The following CDKAL1 variants were observed in gnomAD, a reference collection of about 807,000 sequenced individuals.
CDKAL1 encodes the protein threonylcarbamoyladenosine tRNA methylthiotransferase.
Under a neutral mutation model 68.2 loss-of-function variants are expected in CDKAL1, and 32 were observed. The ratio of observed to expected loss-of-function variants is 0.47; its 90% CI spans 0.35 to 0.63. The LOEUF (loss-of-function observed/expected upper bound fraction) is 0.63. Among genes scored for constraint, CDKAL1 ranks in the 30% least tolerant of loss-of-function variants. The pLI is 0.00. For synonymous variants in CDKAL1, 234 were observed against 244.3 expected (o/e 0.96, Z 0.39); for missense variants, 606 against 696.7 (o/e 0.87, Z 1.47).
chr6:20,754,887 A>G (rs1320417317), intron 6 of CDKAL1, among the ~76,000 whole-genome samples: 2 of 152,142 alleles, frequency 1.3e-5, no homozygotes, highest in Non-Finnish European at 1.5e-5. Flanking sequence ...TCTAAGGTTC[A>G]TATAGATTTA....
At chr6:20,734,162 A>G (rs543090045) in intron 5 of CDKAL1, among the ~76,000 whole-genome samples, 27 of 150,970 alleles carry the variant, frequency 1.8e-4, no homozygotes, top group East Asian at 7.7e-4. Context: ...AAAAAAAAAA[A>G]AAAGAAAGAA....
At chr6:21,128,072 TC>T (rs1183443129) in intron 13 of CDKAL1, among the ~76,000 whole-genome samples, 2 of 152,224 alleles carry the variant, frequency 1.3e-5, no homozygotes, top group African/African-American at 4.8e-5. Context: ...CTTACAATGG[TC>T]CGACTTACAA....
At chr6:20,870,035 A>G (rs962583739) in intron 9 of CDKAL1, among the ~76,000 whole-genome samples, 1 of 152,204 alleles carries the variant, frequency 6.6e-6, no homozygotes, top group African/African-American at 2.4e-5. Context: ...AAATGTCCCC[A>G]TTAAAATGTT....
chr6:20,592,121 C>G (rs1393738105), intron 4 of CDKAL1, among the ~76,000 whole-genome samples: 1 of 152,096 alleles, frequency 6.6e-6, no homozygotes. Flanking sequence ...GTATTTTATT[C>G]TCCTTGTAGC....
chr6:21,150,664 A>C (rs1001068916), intron 13 of CDKAL1, among the ~76,000 whole-genome samples: 1 of 152,208 alleles, frequency 6.6e-6, no homozygotes, highest in Non-Finnish European at 1.5e-5. Flanking sequence ...TTGATATTTA[A>C]AATGGCTTCA....
intron 10 of CDKAL1, among the ~76,000 whole-genome samples, chr6:20,989,015 A>G (rs1471826411): frequency 2.0e-5 from 3 of 151,580 alleles, no homozygotes; most frequent in Non-Finnish European, 2.9e-5. Context: ...TTCTGCCCAC[A>G]TTTCATTGGC....
chr6:20,768,661 CG>C (rs1481050693), intron 7 of CDKAL1, among the ~76,000 whole-genome samples: 1 of 152,100 alleles, frequency 6.6e-6, no homozygotes, highest in Non-Finnish European at 1.5e-5. Context: ...TGACAGGGAG[CG>C]TGCTTCCCAG....
intron 4 of CDKAL1, among the ~76,000 whole-genome samples, chr6:20,640,247 T>A (rs1768109959): frequency 6.6e-6 from 1 of 152,254 alleles, no homozygotes; most frequent in African/African-American, 2.4e-5. Flanking sequence ...TACTGAATTT[T>A]TATTTGTATC....
At chr6:20,712,983 T>C (rs1458948150) in intron 5 of CDKAL1, among the ~76,000 whole-genome samples, 1 of 149,952 alleles carries the variant, frequency 6.7e-6, no homozygotes, top group Non-Finnish European at 1.5e-5. Flanking sequence ...TGAAACACTC[T>C]CTTTTAATCT....
chr6:21,054,273 A>G (rs1275477450), intron 11 of CDKAL1, among the ~76,000 whole-genome samples: 1 of 152,156 alleles, frequency 6.6e-6, no homozygotes, highest in Non-Finnish European at 1.5e-5. Flanking sequence ...TTACCCATAT[A>G]TGATGAATTG....
chr6:20,629,730 A>G (rs555593241), intron 4 of CDKAL1, among the ~76,000 whole-genome samples: 1 of 150,296 alleles, frequency 6.7e-6, no homozygotes, highest in East Asian at 2.0e-4. Context: ...TGCCCATCCC[A>G]TTGTGCCGCA....
chr6:21,142,906 A>C (rs1316657937), intron 13 of CDKAL1, among the ~76,000 whole-genome samples: 1 of 152,216 alleles, frequency 6.6e-6, no homozygotes, highest in Non-Finnish European at 1.5e-5. Flanking sequence ...AGCAGGGTTG[A>C]AGTGCCATGT....
At chr6:20,887,137 T>G (rs1253933736) in intron 9 of CDKAL1, among the ~76,000 whole-genome samples, 3 of 152,224 alleles carry the variant, frequency 2.0e-5, no homozygotes, top group African/African-American at 7.2e-5. Flanking sequence ...CTCCTATACA[T>G]GAAGTACAAC....
At chr6:20,745,176 C>G (rs1773613768) in intron 6 of CDKAL1, among the ~76,000 whole-genome samples, 1 of 152,200 alleles carries the variant, frequency 6.6e-6, no homozygotes, top group Non-Finnish European at 1.5e-5. Context: ...TTCAGGCAGG[C>G]TGCTCTAATC....
chr6:21,176,704 T>G (rs1382648785), intron 13 of CDKAL1, among the ~76,000 whole-genome samples: 25 of 147,176 alleles, frequency 1.7e-4, no homozygotes, highest in East Asian at 3.9e-4. Context: ...TTGTTTTTTT[T>G]TTTTTTTTGA....
intron 11 of CDKAL1, among the ~76,000 whole-genome samples, chr6:21,004,552 A>G (rs1019087574): frequency 1.1e-4 from 16 of 152,324 alleles, no homozygotes; most frequent in African/African-American, 3.6e-4. Context: ...TTAACTGAGT[A>G]ATTTGATGTT....
intron 12 of CDKAL1, among the ~76,000 whole-genome samples, chr6:21,090,396 T>C (rs947210585): frequency 6.6e-6 from 1 of 152,180 alleles, no homozygotes; most frequent in East Asian, 1.9e-4. Flanking sequence ...TTCAACACAT[T>C]TGATTGCTTT....
chr6:20,952,217 C>G (rs1312846416), intron 9 of CDKAL1, among the ~76,000 whole-genome samples: 1 of 152,130 alleles, frequency 6.6e-6, no homozygotes, highest in African/African-American at 2.4e-5. Flanking sequence ...CTCGGCCTCC[C>G]AAAGTGCTGG....
At chr6:20,937,504 T>C (rs970136847) in intron 9 of CDKAL1, among the ~76,000 whole-genome samples, 7 of 152,230 alleles carry the variant, frequency 4.6e-5, no homozygotes, top group Non-Finnish European at 7.3e-5. Flanking sequence ...ATTGTTTCAC[T>C]AACTTTCTTT....
Sources: allele counts gnomAD v4.1 joint callset (sites outside exome capture counted in the v4.1 genomes callset), GRCh38; gene constraint gnomAD v4.1.1; transcripts MANE v1.5; gene names NCBI Gene and HGNC (gene_info 2026-07-23, HGNC 2026-07-21).